GPAM: variants seen among roughly 807,000 people sequenced by gnomAD.
GPAM encodes the protein glycerol-3-phosphate acyltransferase, mitochondrial.
In GPAM, 56 loss-of-function variants were observed where a neutral mutation model predicts 105.0. The ratio of observed to expected loss-of-function variants is 0.53; its 90% CI spans 0.43 to 0.67. GPAM has a LOEUF of 0.67. Among genes scored for constraint, GPAM ranks in the 30% least tolerant of loss-of-function variants. GPAM has a pLI of 0.00. For missense variants in GPAM, 855 were observed against 989.8 expected (o/e 0.86, Z 1.83); for synonymous variants, 368 against 354.4 (o/e 1.04, Z -0.43).
chr10:112,197,619 C>T (rs567706922), intron 1 of GPAM, among the ~76,000 whole-genome samples: 2,223 of 148,354 alleles, frequency 0.015, 51 homozygotes, highest in African/African-American at 0.053. Flanking sequence ...GTATATCTCC[C>T]AATGCTATCC....
At chr10:112,157,464 A>G (rs1027375034) in intron 18 of GPAM, 75 bp from the exon 19 acceptor site, 28 of 1,364,328 alleles carry the variant, frequency 2.1e-5, no homozygotes, top group Non-Finnish European at 2.7e-5. Flanking sequence ...AGCCAGGACA[A>G]GGCAGTCCTC....
At chr10:112,212,648 A>G (rs7908735) in intron 1 of GPAM, among the ~76,000 whole-genome samples, 49,815 of 152,078 alleles carry the variant, frequency 0.33, 14,437 homozygotes, top group African/African-American at 0.78. Flanking sequence ...CTGGTTGATG[A>G]AAAGGGCAAA....
At position 112,163,219 on chromosome 10, in the gene GPAM, G is replaced by A. The variant is rs770223868; in HGVS notation, c.1423+482C>T. ...ATTATTTGTGTATAACCATCCCACT[G>A]ACAAGAACATAAGCTCATTGAGTTC... is the stretch of plus-strand genomic sequence containing the variant. On this transcript the variant is annotated intron_variant, in intron 14 of 21. Transcript: ENST00000348367. Among the ~76,000 whole-genome samples the A allele has an allele frequency of 2.3e-4, 35 of 152,164 alleles. 3 individuals are homozygous for A. Among genetic ancestry groups the A allele is most frequent in the Non-Finnish European group, 8.8e-5 (6 of 68,034 alleles).
intron 10 of GPAM, 119 bp from the exon 11 acceptor site, chr10:112,168,643 T>C (rs1420551591): frequency 2.6e-6 from 2 of 758,954 alleles, no homozygotes; most frequent in African/African-American, 3.5e-5. Flanking sequence ...ACTGACAAAG[T>C]ATCTTATTCA....
At chr10:112,192,969 G>C (rs1376205270) in intron 1 of GPAM, among the ~76,000 whole-genome samples, 3 of 152,192 alleles carry the variant, frequency 2.0e-5, no homozygotes, top group Non-Finnish European at 4.4e-5. Flanking sequence ...AGTAGGTTTT[G>C]TTAGCTACCC....
intron 1 of GPAM, among the ~76,000 whole-genome samples, chr10:112,211,502 C>T (rs1020474941): frequency 6.6e-6 from 1 of 152,162 alleles, no homozygotes; most frequent in Non-Finnish European, 1.5e-5. Flanking sequence ...GATTCAAATC[C>T]TATTGGTTCA....
chr10:112,212,653 G>C (rs1847925162), intron 1 of GPAM, among the ~76,000 whole-genome samples: 1 of 152,170 alleles, frequency 6.6e-6, no homozygotes, highest in African/African-American at 2.4e-5. Context: ...TGATGAAAAG[G>C]GCAAAGGCTT....
intron 1 of GPAM, among the ~76,000 whole-genome samples, chr10:112,211,779 C>T (rs1308079184): frequency 1.3e-5 from 2 of 152,128 alleles, no homozygotes; most frequent in African/African-American, 2.4e-5. Flanking sequence ...ACCCATTTTA[C>T]AAAGGAGGAA....
chr10:112,185,478 A>C (rs1847581213), upstream of GPAM, among the ~76,000 whole-genome samples: 1 of 90,786 alleles, frequency 1.1e-5, no homozygotes, highest in Non-Finnish European at 2.3e-5. Flanking sequence ...TAGAGATGTG[A>C]AAAATCTTTA....
chr10:112,182,391 A>G (rs1233150515), intron 2 of GPAM, among the ~76,000 whole-genome samples: 1 of 152,226 alleles, frequency 6.6e-6, no homozygotes, highest in African/African-American at 2.4e-5. Context: ...ACAAAGCTAC[A>G]AAGCTCTGAA....
At chr10:112,214,315 A>G (rs973996040) in intron 1 of GPAM, 11 of 152,366 alleles carry the variant, frequency 7.2e-5, no homozygotes, top group African/African-American at 2.6e-4. Context: ...GAATACTGAC[A>G]TACCGTAAAA....
chr10:112,165,207 T>A (rs989624362), intron 12 of GPAM, among the ~76,000 whole-genome samples: 17 of 152,030 alleles, frequency 1.1e-4, no homozygotes, highest in Admixed American at 4.6e-4. Flanking sequence ...ATCCCTGGGC[T>A]CCCTACTTCT....
At chr10:112,172,387 T>C in intron 8 of GPAM, 69 bp from the exon 9 acceptor site, 5 of 1,291,474 alleles carry the variant, frequency 3.9e-6, no homozygotes, top group Non-Finnish European at 3.4e-6. Context: ...CAACTGCATA[T>C]TTGGCTAGAG....
intron 1 of GPAM, 69 bp from the exon 2 acceptor site, chr10:112,182,960 A>C (rs1183429548): frequency 6.6e-6 from 1 of 152,240 alleles, no homozygotes; most frequent in Non-Finnish European, 1.5e-5. Flanking sequence ...CAGGAGGTCC[A>C]CGTTTTGCAC....
In GPAM at chr10:112,151,307, T is replaced by C. The variant is rs1013711565; in HGVS notation, c.*2243A>G. ...AAAACGGTGCTATCTGGAAGCTTCATTGTGAAGATGCTTTCGTTTTTTTGT... is the reference window on the plus strand; with the variant it reads ...AAAACGGTGCTATCTGGAAGCTTCACTGTGAAGATGCTTTCGTTTTTTTGT... On this transcript the variant is annotated 3_prime_UTR_variant, in exon 22 of 22. Coordinates refer to ENST00000348367, the MANE Select transcript of GPAM (RefSeq NM_001244949.2). 20 of 985,210 alleles carry C rather than the reference T, an allele frequency of 2.0e-5. No individual in the cohort carries two copies. In the East Asian group the frequency reaches 3.4e-4, roughly 17 times the overall value. The allele number at this position is 985,210 out of a possible 1,614,324, so 61.0% of individuals were successfully genotyped here.
chr10:112,183,727 C>T lies in GPAM; in HGVS notation c.-162G>A, dbSNP rs1564684874. ...TCCAGCTTCGGCTGCTGCAGAAGCC[C>T]GCACTTCCAGTCCCGGCCAATGCCA... On this transcript the variant is annotated 5_prime_UTR_variant, in exon 1 of 22. Transcript: ENST00000348367. 1.3e-5 allele frequency: 2 copies of T among 152,362 alleles called. No homozygotes were observed. Among genetic ancestry groups the T allele is most frequent in the Admixed American group, 6.5e-5 (1 of 15,294 alleles). The allele number at this position is 152,362 out of a possible 1,614,324, so 9.4% of individuals were successfully genotyped here. A position where few individuals can be genotyped will look rare whatever the true frequency, so the allele number is the denominator to read the frequency against.
At chr10:112,209,397 C>A (rs1027313723) in intron 1 of GPAM, among the ~76,000 whole-genome samples, 5 of 151,934 alleles carry the variant, frequency 3.3e-5, no homozygotes, top group African/African-American at 1.2e-4. Flanking sequence ...CCCACCCCTA[C>A]CTTACCCAGC....
At chr10:112,160,075 T>G in intron 16 of GPAM, 22 bp from the exon 17 acceptor site, 1 of 1,613,198 alleles carries the variant, frequency 6.2e-7, no homozygotes, top group Middle Eastern at 1.7e-4. Flanking sequence ...AAAGCAACAA[T>G]GAAGTTGCCA....
At chr10:112,162,728 C>T (rs1304120270) in intron 14 of GPAM, among the ~76,000 whole-genome samples, 1 of 151,912 alleles carries the variant, frequency 6.6e-6, no homozygotes, top group Non-Finnish European at 1.5e-5. Context: ...CTGCACAATA[C>T]AAAACTGTAA....
Sources: allele counts gnomAD v4.1 joint callset (sites outside exome capture counted in the v4.1 genomes callset), GRCh38; gene constraint gnomAD v4.1.1; transcripts MANE v1.5; gene names NCBI Gene and HGNC (gene_info 2026-07-23, HGNC 2026-07-21).